PTPRT: variants seen among roughly 807,000 people sequenced by gnomAD.
The protein encoded by PTPRT is receptor-type tyrosine-protein phosphatase T.
PTPRT carries 56 observed loss-of-function variants against 176.8 expected under a neutral mutation model. The ratio of observed to expected loss-of-function variants is 0.32; its 90% CI spans 0.26 to 0.40. The LOEUF is 0.40. Among genes scored for constraint, PTPRT ranks in the 10% least tolerant of loss-of-function variants. PTPRT has a pLI of 1.00. For missense variants in PTPRT, 1,540 were observed against 1,908.2 expected, an observed-to-expected ratio of 0.81 and a Z score of 3.60; for synonymous variants, 783 against 739.0, an observed-to-expected ratio of 1.06 and a Z score of -0.96.
In PTPRT at chr20:42,619,349, C is replaced by A. The variant is rs1488714915; in HGVS notation, c.1153+58517G>T. ...GGGCTTCCCTTTGAGGGTAACCCGACCTTTCTCTCTGGCTGCCCTTAACAT... is the reference window on the plus strand; with the variant it reads ...GGGCTTCCCTTTGAGGGTAACCCGAACTTTCTCTCTGGCTGCCCTTAACAT... On this transcript the variant is annotated intron_variant, in intron 7 of 30. Coordinates refer to ENST00000373187, the MANE Select transcript of PTPRT (RefSeq NM_007050.6). 9.8e-4 allele frequency among the ~76,000 whole-genome samples: 127 copies of A among 129,404 alleles called. 4 individuals are homozygous for A. The highest frequency in any genetic ancestry group is 4.2e-3 in the African/African-American group (121 of 28,766). The allele number at this position is 129,404 out of a possible 152,430, so 84.9% of individuals were successfully genotyped here.
intron 12 of PTPRT, among the ~76,000 whole-genome samples, chr20:42,293,707 C>A (rs1156572185): frequency 6.6e-6 from 1 of 152,156 alleles, no homozygotes. Flanking sequence ...AATATACAAT[C>A]ATCTAAAAGA....
chr20:42,552,566 C>G (rs2072788786), intron 7 of PTPRT, among the ~76,000 whole-genome samples: 1 of 152,206 alleles, frequency 6.6e-6, no homozygotes, highest in East Asian at 1.9e-4. Context: ...TTTTACAATA[C>G]ATCGAAACCA....
At chr20:42,208,876 T>C (rs995935487) in intron 15 of PTPRT, among the ~76,000 whole-genome samples, 7 of 152,122 alleles carry the variant, frequency 4.6e-5, no homozygotes, top group East Asian at 1.9e-4. Context: ...TATTCCAAAA[T>C]TGACCACATA....
intron 13 of PTPRT, among the ~76,000 whole-genome samples, chr20:42,264,759 C>T (rs2056810364): frequency 6.6e-6 from 1 of 152,198 alleles, no homozygotes; most frequent in African/African-American, 2.4e-5. Flanking sequence ...TGCTGCTGTG[C>T]CCAGCCATCC....
At chr20:42,107,026 C>G (rs1986516679) in intron 23 of PTPRT, 105 bp from the exon 24 acceptor site, 1 of 1,400,198 alleles carries the variant, frequency 7.1e-7, no homozygotes, top group South Asian at 1.5e-5. Context: ...CTGGGAGGCT[C>G]TAGATTATGT....
At chr20:42,109,435 G>A (rs1428505311) in intron 23 of PTPRT, among the ~76,000 whole-genome samples, 1 of 152,166 alleles carries the variant, frequency 6.6e-6, no homozygotes. Flanking sequence ...AGGATTCAAA[G>A]ACATGCCACT....
chr20:43,046,154 C>T (rs1347952020), intron 1 of PTPRT, among the ~76,000 whole-genome samples: 1 of 152,094 alleles, frequency 6.6e-6, no homozygotes, highest in East Asian at 1.9e-4. Flanking sequence ...CATGTTCTGT[C>T]TTATGAATTA....
At chr20:42,337,512 A>G (rs2058056808) in intron 11 of PTPRT, among the ~76,000 whole-genome samples, 1 of 152,082 alleles carries the variant, frequency 6.6e-6, no homozygotes, top group East Asian at 1.9e-4. Context: ...TTCTCATCTC[A>G]GGTTCTGATC....
At chr20:42,780,031 C>T (rs1046129547) in intron 4 of PTPRT, among the ~76,000 whole-genome samples, 187 bp downstream of exon 4, 3 of 152,124 alleles carry the variant, frequency 2.0e-5, no homozygotes, top group Admixed American at 6.5e-5. Context: ...GCCTGTTGAA[C>T]AGGCCGGCAA....
the PTPRT span, among the ~76,000 whole-genome samples, chr20:42,041,657 C>T: frequency 6.6e-6 from 1 of 152,166 alleles, no homozygotes; most frequent in Admixed American, 6.5e-5. Context: ...GCTGTGCAAC[C>T]TTGAGCAACT....
intron 7 of PTPRT, among the ~76,000 whole-genome samples, chr20:42,516,043 G>A (rs2072059644): frequency 7.1e-6 from 1 of 140,486 alleles, no homozygotes; most frequent in Non-Finnish European, 1.5e-5. Flanking sequence ...TCATAGGTGG[G>A]AATTGAACAA....
chr20:43,173,548 G>A (rs1313348450), intron 1 of PTPRT, among the ~76,000 whole-genome samples: 1 of 152,206 alleles, frequency 6.6e-6, no homozygotes, highest in Non-Finnish European at 1.5e-5. Context: ...TTGTCCTGTG[G>A]AGAAAGTAAA....
At chr20:42,583,083 T>A (rs915417961) in intron 7 of PTPRT, among the ~76,000 whole-genome samples, 13 of 152,312 alleles carry the variant, frequency 8.5e-5, no homozygotes, top group African/African-American at 3.1e-4. Context: ...TCCTGGCACA[T>A]GCAAATATAT....
chr20:42,519,156 G>A (rs1297386611), intron 7 of PTPRT, among the ~76,000 whole-genome samples: 2 of 151,974 alleles, frequency 1.3e-5, no homozygotes, highest in Non-Finnish European at 2.9e-5. Context: ...TCTTAACATT[G>A]GCAGCCACTA....
chr20:42,308,378 G>C (rs2057577098), intron 12 of PTPRT, among the ~76,000 whole-genome samples: 1 of 152,090 alleles, frequency 6.6e-6, no homozygotes, highest in Non-Finnish European at 1.5e-5. Context: ...AGCCTGGGGT[G>C]AGTCATGGGT....
chr20:42,566,821 A>G (rs1224767412), intron 7 of PTPRT, among the ~76,000 whole-genome samples: 3 of 152,230 alleles, frequency 2.0e-5, no homozygotes, highest in Non-Finnish European at 2.9e-5. Flanking sequence ...TTAAACCTCA[A>G]CAAAATCTGG....
chr20:42,175,776 A>G (rs1436895678), intron 16 of PTPRT, among the ~76,000 whole-genome samples: 1 of 152,184 alleles, frequency 6.6e-6, no homozygotes, highest in Non-Finnish European at 1.5e-5. Context: ...ATTTCCTTTG[A>G]TATGCATAAA....
intron 2 of PTPRT, among the ~76,000 whole-genome samples, chr20:42,853,596 T>C (rs1194243555): frequency 6.6e-6 from 1 of 152,196 alleles, no homozygotes; most frequent in Admixed American, 6.5e-5. Context: ...CTCTGCCCTT[T>C]TGTTCTATTC....
intron 7 of PTPRT, among the ~76,000 whole-genome samples, chr20:42,647,859 A>G (rs1382092116): frequency 6.6e-6 from 1 of 152,206 alleles, no homozygotes; most frequent in East Asian, 1.9e-4. Context: ...CTTTTATCAT[A>G]AGATGCTGCA....
Sources: gnomAD v4.1 joint callset for allele counts (sites outside exome capture counted in the v4.1 genomes callset) on GRCh38, gnomAD v4.1.1 for gene constraint, MANE v1.5 for transcripts, NCBI Gene and HGNC (gene_info 2026-07-23, HGNC 2026-07-21) for gene names.